The following SLC38A1 variants were observed in gnomAD, a reference collection of about 807,000 sequenced individuals.
SLC38A1 encodes the protein sodium-coupled neutral amino acid symporter 1.
A neutral mutation model predicts 60.3 loss-of-function variants in SLC38A1; 18 were observed. The ratio of observed to expected loss-of-function variants is 0.30; its 90% CI spans 0.21 to 0.44. SLC38A1 has a LOEUF of 0.44. SLC38A1 is among the 20% of genes least tolerant of loss of function. SLC38A1 has a pLI of 1.00. For synonymous variants in SLC38A1, 196 were observed against 212.1 expected (o/e 0.92, Z 0.66); for missense variants, 448 against 587.2 (o/e 0.76, Z 2.45).
intron 2 of SLC38A1, among the ~76,000 whole-genome samples, chr12:46,240,537 A>G (rs1941411718): frequency 6.6e-6 from 1 of 152,304 alleles, no homozygotes; most frequent in East Asian, 1.9e-4. Context: ...AGTTATTTTA[A>G]TGTGTCAGAT....
chr12:46,196,225 T>C, intron 16 of SLC38A1: 2 of 1,536,062 alleles, frequency 1.3e-6, no homozygotes, highest in Middle Eastern at 1.7e-4. Context: ...AGAAGGATGA[T>C]GCATTCTGAG....
intron 1 of SLC38A1, among the ~76,000 whole-genome samples, chr12:46,257,792 C>T (rs978040791): frequency 2.0e-5 from 3 of 152,136 alleles, no homozygotes; most frequent in Admixed American, 6.5e-5. Context: ...ACACTTACTG[C>T]GGGTTTCTGC....
In SLC38A1 at chr12:46,185,298, A is replaced by G. The variant is rs1235891830; in HGVS notation, c.*3672T>C. ...GAGAACCACTGGCTTAGAGGCATGAATCAAGCTCTAGAAAGCAGTCAGTTC... is the reference window on the plus strand; with the variant it reads ...GAGAACCACTGGCTTAGAGGCATGAGTCAAGCTCTAGAAAGCAGTCAGTTC... On this transcript the variant is annotated 3_prime_UTR_variant, in exon 17 of 17. Transcript: ENST00000398637. 6.6e-6 allele frequency: 1 copy of G among 152,144 alleles called. No individual in the cohort carries two copies. Among genetic ancestry groups the G allele is most frequent in the African/African-American group, 2.4e-5 (1 of 41,398 alleles). 9.4% of individuals were successfully genotyped at this position (152,144 alleles called of 1,614,324 possible). A position where few individuals can be genotyped will look rare whatever the true frequency, so the allele number is the denominator to read the frequency against.
chr12:46,218,836 G>C (rs10880937), intron 5 of SLC38A1, among the ~76,000 whole-genome samples: 5 of 151,898 alleles, frequency 3.3e-5, no homozygotes, highest in Admixed American at 2.6e-4. Flanking sequence ...GAAATCATAG[G>C]GGGGTGAAGT....
chr12:46,224,499 G>A (rs1411732625), intron 5 of SLC38A1, among the ~76,000 whole-genome samples: 3 of 152,144 alleles, frequency 2.0e-5, no homozygotes, highest in African/African-American at 7.2e-5. Flanking sequence ...TGACTGCAGA[G>A]AAGGCTCCAC....
At chr12:46,212,759 C>A (rs1252497575) in intron 5 of SLC38A1, among the ~76,000 whole-genome samples, 1 of 152,138 alleles carries the variant, frequency 6.6e-6, no homozygotes, top group Non-Finnish European at 1.5e-5. Flanking sequence ...CAGGAAACCT[C>A]TATGCTCCAT....
intron 9 of SLC38A1, among the ~76,000 whole-genome samples, chr12:46,205,593 G>A (rs7971437): frequency 0.52 from 78,284 of 151,868 alleles, 21,420 homozygotes; most frequent in African/African-American, 0.72. Flanking sequence ...GAGATTATCC[G>A]CCATTTCTGA....
chr12:46,238,116 T>C (rs1383126048), intron 3 of SLC38A1, among the ~76,000 whole-genome samples: 2 of 151,858 alleles, frequency 1.3e-5, no homozygotes, highest in Non-Finnish European at 2.9e-5. Context: ...TGCAGAAGAA[T>C]ACTTGTGCAT....
intron 5 of SLC38A1, among the ~76,000 whole-genome samples, chr12:46,216,199 C>T (rs1940403562): frequency 6.6e-6 from 1 of 152,208 alleles, no homozygotes; most frequent in Non-Finnish European, 1.5e-5. Flanking sequence ...CTCCCTGCTT[C>T]TCCATCCCCA....
chr12:46,214,219 C>T (rs1024121561), intron 5 of SLC38A1, among the ~76,000 whole-genome samples: 12 of 152,096 alleles, frequency 7.9e-5, no homozygotes, highest in Admixed American at 5.9e-4. Flanking sequence ...CTCTTGCTTT[C>T]CATGATTTTT....
At position 46,204,318 on chromosome 12, in the gene SLC38A1, C is replaced by T; in HGVS notation, c.805G>A (p.Val269Ile). 1 of 1,608,094 alleles carries T rather than the reference C, an allele frequency of 6.2e-7. No homozygotes were observed. The highest frequency in any genetic ancestry group is 8.5e-7 in the Non-Finnish European group (1 of 1,174,746). The change falls in exon 11 of 17, where the codon GTT becomes ATT. Residue 269 changes from valine to isoleucine, a missense_variant. Around this residue, in one of 2 missense-constraint regions of SLC38A1, gnomAD observed 346 missense variants for 497.5 expected, o/e 0.70. Transcript: ENST00000398637. Reference sequence around the variant, plus strand: ...AAACTTACCTTTGAATTGAAGGTAACATATTTTGGCGTACACGTGTCAGCA... The same window carrying T: ...AAACTTACCTTTGAATTGAAGGTAATATATTTTGGCGTACACGTGTCAGCA... ...TNADTCTPKY[V>I]TFNSKTVYAL...
chr12:46,208,902 T>C (rs1940026629), intron 6 of SLC38A1, 152 bp downstream of exon 6: 1 of 549,108 alleles, frequency 1.8e-6, no homozygotes, highest in African/African-American at 2.0e-5. Context: ...TCTAGATAAA[T>C]ACTACTATAG....
chr12:46,195,872 C>T, intron 16 of SLC38A1: 2 of 332,706 alleles, frequency 6.0e-6, no homozygotes, highest in Non-Finnish European at 5.9e-6. Context: ...CTTCCCTTGG[C>T]TGGGAAAGGT....
At chr12:46,253,050 A>G (rs1348889563) in intron 1 of SLC38A1, among the ~76,000 whole-genome samples, 1 of 151,446 alleles carries the variant, frequency 6.6e-6, no homozygotes, top group African/African-American at 2.4e-5. Context: ...AACAGTTGTT[A>G]TAAAGAGTTT....
At chr12:46,189,739 C>T (rs1592053856) in intron 16 of SLC38A1, among the ~76,000 whole-genome samples, 2 of 151,984 alleles carry the variant, frequency 1.3e-5, no homozygotes, top group East Asian at 3.9e-4. Flanking sequence ...CCATGCTGTG[C>T]TTGTGATAGT....
At chr12:46,264,599 C>G (rs1942296373) in intron 1 of SLC38A1, among the ~76,000 whole-genome samples, 1 of 152,018 alleles carries the variant, frequency 6.6e-6, no homozygotes, top group African/African-American at 2.4e-5. Flanking sequence ...TGAAGTTAAT[C>G]TTTTAATTTT....
chr12:46,250,101 A>G (rs887518090), intron 1 of SLC38A1, among the ~76,000 whole-genome samples: 2 of 152,236 alleles, frequency 1.3e-5, no homozygotes, highest in African/African-American at 4.8e-5. Context: ...AAATACTGGC[A>G]AATAAAATCC....
In SLC38A1 at chr12:46,185,493, CT is replaced by C. The variant is rs1238734797; in HGVS notation, c.*3476del. Reference sequence around the variant, plus strand: ...AGAGGTTTTTTTTTCCCCCTTTTTTCTTGTTTTCTAACCTCCCAGCTTATTC... The same window carrying C: ...AGAGGTTTTTTTTTCCCCCTTTTTTCTGTTTTCTAACCTCCCAGCTTATTC... On this transcript the variant is annotated 3_prime_UTR_variant, in exon 17 of 17. Coordinates refer to ENST00000398637, the MANE Select transcript of SLC38A1 (RefSeq NM_030674.4). 2.0e-5 allele frequency: 3 copies of C among 151,368 alleles called. No homozygotes were observed. Among genetic ancestry groups the C allele is most frequent in the Non-Finnish European group, 2.9e-5 (2 of 67,826 alleles). The allele number at this position is 151,368 out of a possible 1,614,324, so 9.4% of individuals were successfully genotyped here.
chr12:46,205,766 A>C (rs1939867912), intron 9 of SLC38A1, among the ~76,000 whole-genome samples: 1 of 152,218 alleles, frequency 6.6e-6, no homozygotes, highest in Non-Finnish European at 1.5e-5. Context: ...CTTCGTATGA[A>C]GAGAATTGCA....
Sources: allele counts gnomAD v4.1 joint callset (sites outside exome capture counted in the v4.1 genomes callset), GRCh38; gene constraint gnomAD v4.1.1; regional missense constraint gnomAD v4.1.1; transcripts MANE v1.5; gene names NCBI Gene and HGNC (gene_info 2026-07-23, HGNC 2026-07-21).